EDEM3: variants seen among roughly 807,000 people sequenced by gnomAD.
EDEM3 encodes the protein ER degradation-enhancing alpha-mannosidase-like protein 3.
A neutral mutation model predicts 110.2 loss-of-function variants in EDEM3; 60 were observed. That is an observed-to-expected ratio of 0.54 (90% confidence interval 0.44 to 0.67). The LOEUF is 0.67. Among genes scored for constraint, EDEM3 ranks in the 30% least tolerant of loss-of-function variants. EDEM3 has a pLI of 0.00. For missense variants in EDEM3, 996 were observed against 1,121.0 expected (o/e 0.89, Z 1.59); for synonymous variants, 352 against 382.9 (o/e 0.92, Z 0.94).
Position 184,702,961 on chromosome 1 carries a change from G to C in EDEM3, c.2239C>G (p.Leu747Val). The change falls in exon 19 of 20, where the codon CTG becomes GTG. Residue 747 changes from leucine (L) to valine (V), a missense_variant. Transcript: ENST00000318130. The stretch of plus-strand genomic sequence containing the variant: ...TTTCCATCACCTGCCATCTGGAACA[G>C]AGGGGCAGTATCACTGCTGCTCCCC... ...NEGSSSDTAP[L>V]FQMAGDGKDT... is the part of the protein sequence containing the mutation. 6.2e-7 allele frequency: 1 copy of C among 1,612,414 alleles called. No individual in the cohort carries two copies. Among genetic ancestry groups the C allele is most frequent in the Non-Finnish European group, 8.5e-7 (1 of 1,179,292 alleles).
intron 2 of EDEM3, among the ~76,000 whole-genome samples, chr1:184,738,529 G>A (rs1199202123): frequency 6.6e-6 from 1 of 152,150 alleles, no homozygotes; most frequent in Non-Finnish European, 1.5e-5. Flanking sequence ...GTATTTCTAT[G>A]TATCAGATAC....
At chr1:184,731,474 T>C (rs1664056576) in intron 6 of EDEM3, among the ~76,000 whole-genome samples, 1 of 152,226 alleles carries the variant, frequency 6.6e-6, no homozygotes. Flanking sequence ...TCAAGTTTTC[T>C]AGAACATTTC....
chr1:184,729,531 G>A (rs1006699716), intron 6 of EDEM3, among the ~76,000 whole-genome samples: 1 of 152,110 alleles, frequency 6.6e-6, no homozygotes, highest in African/African-American at 2.4e-5. Context: ...TTATATATGA[G>A]TTTAAAAAAT....
chr1:184,732,178 C>A (rs559436559), intron 6 of EDEM3, among the ~76,000 whole-genome samples: 8 of 151,436 alleles, frequency 5.3e-5, no homozygotes, highest in East Asian at 1.9e-4. Context: ...TCCATTCCCC[C>A]CCACCAAAAA....
chr1:184,729,732 A>T (rs572521687), intron 6 of EDEM3, among the ~76,000 whole-genome samples: 1 of 152,190 alleles, frequency 6.6e-6, no homozygotes, highest in Admixed American at 6.5e-5. Flanking sequence ...CCTATTATAA[A>T]AAATCATTTT....
rs757677014 is a variant in EDEM3 at position 184,708,331 on chromosome 1, A to G, written c.1859T>C (p.Ile620Thr). 6.2e-6 allele frequency: 10 copies of G among 1,609,878 alleles called. No homozygotes were observed. In the African/African-American group the frequency reaches 1.3e-4, roughly 22 times the overall value. ...VQHAIQAASS[I>T]DAEDGLRFMQ... ...GAACCTCAACCCATCTTCAGCGTCG[A>G]TTGAACTAGCAGCCTATGAAAAAAA... Residue 620 changes from isoleucine to threonine, a missense_variant, in exon 17 of 20, where the codon ATC (isoleucine) becomes ACC (threonine). Coordinates refer to ENST00000318130, the MANE Select transcript of EDEM3 (RefSeq NM_025191.4).
chr1:184,731,731 T>C (rs1218847672), intron 6 of EDEM3, among the ~76,000 whole-genome samples: 1 of 152,222 alleles, frequency 6.6e-6, no homozygotes, highest in East Asian at 1.9e-4. Context: ...CATCTGTTCT[T>C]CCTTCTGCAG....
In EDEM3 at chr1:184,716,870, T is replaced by C. The variant is rs368426138; in HGVS notation, c.1370+18A>G. Reference sequence around the variant, plus strand: ...TCAGAGAGACCCTGAGGAAAGAGGATGTTAGCAATTGTTTTACCTGTCCTC... The same window carrying C: ...TCAGAGAGACCCTGAGGAAAGAGGACGTTAGCAATTGTTTTACCTGTCCTC... On this transcript the variant is annotated intron_variant, in intron 13 of 19. Transcript: ENST00000318130. 59 of 1,612,200 alleles carry C rather than the reference T, an allele frequency of 3.7e-5. No individual in the cohort carries two copies. The African/African-American group carries it at 7.6e-4, about 21-fold the overall frequency.
In EDEM3 at chr1:184,733,622, T is replaced by G. The variant is rs184242404; in HGVS notation, c.459-632A>C. ...AGGCAGGTGGATCACGAGGTCAGGA[T>G]ATCGAGACCATCCTGGCCAACACGG... is the stretch of plus-strand genomic sequence containing the variant. On this transcript the variant is annotated intron_variant, in intron 5 of 19. Coordinates refer to ENST00000318130, the MANE Select transcript of EDEM3 (RefSeq NM_025191.4). Among the ~76,000 whole-genome samples the G allele has an allele frequency of 2.9e-3, 433 of 151,914 alleles. 5 individuals carry two copies. The East Asian group carries it at 0.036, about 13-fold the overall frequency.
rs1046542461 is a variant in EDEM3 at position 184,747,222 on chromosome 1, A to G, written c.204+2325T>C. Among the ~76,000 whole-genome samples the G allele has an allele frequency of 2.0e-5, 3 of 152,360 alleles. No individual in the cohort carries two copies. The South Asian group carries it at 6.2e-4, about 32-fold the overall frequency. On this transcript the variant is annotated intron_variant, in intron 2 of 19. Coordinates refer to ENST00000318130, the MANE Select transcript of EDEM3 (RefSeq NM_025191.4). ...CTTTGCAATTATTCTCATTTTACATAGAAAGACACTGCTCAGATGGGTTAA... is the reference window on the plus strand; with the variant it reads ...CTTTGCAATTATTCTCATTTTACATGGAAAGACACTGCTCAGATGGGTTAA...
At chr1:184,748,314 G>A (rs1652549433) in intron 2 of EDEM3, among the ~76,000 whole-genome samples, 1 of 151,992 alleles carries the variant, frequency 6.6e-6, no homozygotes, top group Admixed American at 6.6e-5. Flanking sequence ...AGGCATGGTG[G>A]CACACACCTG....
At chr1:184,733,568 G>A (rs1454636799) in intron 5 of EDEM3, among the ~76,000 whole-genome samples, 3 of 152,092 alleles carry the variant, frequency 2.0e-5, no homozygotes, top group Non-Finnish European at 4.4e-5. Context: ...AGTGGCTCAC[G>A]CCTATAATCC....
chr1:184,713,833 A>G (rs1301594174), intron 13 of EDEM3, among the ~76,000 whole-genome samples: 1 of 152,122 alleles, frequency 6.6e-6, no homozygotes, highest in Non-Finnish European at 1.5e-5. Flanking sequence ...ATAACAATAC[A>G]CTCATGACAT....
chr1:184,693,964 A>T lies in EDEM3; in HGVS notation c.*99T>A. The T allele has an allele frequency of 7.8e-7, 1 of 1,280,766 alleles. No homozygotes were observed. The highest frequency in any genetic ancestry group is 1.1e-6 in the Non-Finnish European group (1 of 930,304). 79.3% of individuals were successfully genotyped at this position (1,280,766 alleles called of 1,614,324 possible). On this transcript the variant is annotated 3_prime_UTR_variant, in exon 20 of 20. Coordinates refer to ENST00000318130, the MANE Select transcript of EDEM3 (RefSeq NM_025191.4). ...CGTGGTTGTTCATCACCATACTTAA[A>T]GCCTCCCATTAGAAAGCCTGCTTAG...
chr1:184,754,488 C>T lies in EDEM3; in HGVS notation c.158+1G>A. On this transcript the variant is annotated splice_donor_variant, in intron 1 of 19. Transcript: ENST00000318130. LOFTEE classifies it high-confidence loss of function. ...CCACCCCAGGCTGCCAGCACCCTTA[C>T]CCAAGCTTCTGTTTCTCCTCCCTAC... The T allele has an allele frequency of 6.2e-7, 1 of 1,613,352 alleles. No individual in the cohort carries two copies. The highest frequency in any genetic ancestry group is 8.5e-7 in the Non-Finnish European group (1 of 1,179,824).
intron 19 of EDEM3, among the ~76,000 whole-genome samples, chr1:184,698,053 G>C (rs1225606590): frequency 4.0e-5 from 6 of 151,610 alleles, no homozygotes; most frequent in Non-Finnish European, 8.9e-5. Flanking sequence ...CTTATTTAAA[G>C]AAGGCAAAAT....
chr1:184,718,811 A>C (rs374569135), intron 11 of EDEM3, among the ~76,000 whole-genome samples: 2 of 152,110 alleles, frequency 1.3e-5, no homozygotes, highest in South Asian at 4.1e-4. Flanking sequence ...AAGTGACAAA[A>C]TCTCCCTAGC....
At position 184,704,816 on chromosome 1, in the gene EDEM3, G is replaced by A. The variant is rs147175242; in HGVS notation, c.2204-1820C>T. On this transcript the variant is annotated intron_variant, in intron 18 of 19. Coordinates refer to ENST00000318130, the MANE Select transcript of EDEM3 (RefSeq NM_025191.4). ...CTCATGACTGTAATCCCAGCACTGT[G>A]GGAGGCCAAGGCAGGCAGAACACCT... Among the ~76,000 whole-genome samples the A allele has an allele frequency of 1.1e-3, 164 of 151,928 alleles. 1 individual carries two copies. Among genetic ancestry groups the A allele is most frequent in the African/African-American group, 3.9e-3 (163 of 41,408 alleles).
At chr1:184,694,572 G>A (rs1476520282) in intron 19 of EDEM3, 100 bp from the exon 20 acceptor site, 22 of 1,158,332 alleles carry the variant, frequency 1.9e-5, no homozygotes, top group Admixed American at 5.7e-5. Context: ...GAAATAAAAC[G>A]TGAAAGAGAC....
Sources: gnomAD v4.1 joint callset for allele counts (sites outside exome capture counted in the v4.1 genomes callset) on GRCh38, gnomAD v4.1.1 for gene constraint, MANE v1.5 for transcripts, NCBI Gene and HGNC (gene_info 2026-07-23, HGNC 2026-07-21) for gene names.